PCSK9: variants seen among roughly 807,000 people sequenced by gnomAD.
PCSK9 encodes proprotein convertase subtilisin/kexin type 9, also known as convertase subtilisin/kexin type 9 preproprotein.
Under a neutral mutation model 62.1 loss-of-function variants are expected in PCSK9, and 57 were observed. The observed-to-expected ratio is 0.92, with a 90% CI of 0.74 to 1.14. The LOEUF (loss-of-function observed/expected upper bound fraction) is 1.14. Among genes scored for constraint, PCSK9 ranks in the 50% most tolerant of loss-of-function variants. PCSK9 has a pLI of 0.00. For synonymous variants in PCSK9, 387 were observed against 409.4 expected, an observed-to-expected ratio of 0.95 and a Z score of 0.66; for missense variants, 870 against 959.8, an observed-to-expected ratio of 0.91 and a Z score of 1.24.
In PCSK9 at chr1:55,064,476, G is replaced by A. The variant is rs981756165; in HGVS notation, c.*892G>A. Reference sequence around the variant, plus strand: ...AAGCCTCTTCTTACTTCACCCGGCTGGGCTCCTCATTTTTACGGGTAACAG... The same window carrying A: ...AAGCCTCTTCTTACTTCACCCGGCTAGGCTCCTCATTTTTACGGGTAACAG... On this transcript the variant is annotated 3_prime_UTR_variant, in exon 12 of 12. Transcript: ENST00000302118. 3.3e-5 allele frequency: 5 copies of A among 152,242 alleles called. No homozygotes were observed. Among genetic ancestry groups the A allele is most frequent in the African/African-American group, 1.2e-4 (5 of 41,456 alleles). 9.4% of individuals were successfully genotyped at this position (152,242 alleles called of 1,614,324 possible).
At chr1:55,041,557 A>G (rs1329516405) in intron 1 of PCSK9, among the ~76,000 whole-genome samples, 1 of 152,204 alleles carries the variant, frequency 6.6e-6, no homozygotes, top group African/African-American at 2.4e-5. Context: ...TTGGAACAGG[A>G]GCCTCCTCAA....
chr1:55,044,727 C>T (rs1435551994), intron 2 of PCSK9, among the ~76,000 whole-genome samples: 2 of 152,214 alleles, frequency 1.3e-5, no homozygotes, highest in Non-Finnish European at 2.9e-5. Flanking sequence ...TAGCCTCCTG[C>T]AGACAGTGAG....
chr1:55,060,884 C>T (rs1022358897), intron 10 of PCSK9, among the ~76,000 whole-genome samples: 1 of 152,188 alleles, frequency 6.6e-6, no homozygotes, highest in African/African-American at 2.4e-5. Context: ...GTTTCTCTTT[C>T]CATCTTACAA....
In PCSK9 at chr1:55,058,666, CGT is replaced by C. The variant is rs35115360; in HGVS notation, c.1503+70_1503+71del. 24,307 of 1,502,512 alleles carry C rather than the reference CGT, an allele frequency of 0.016. 122 individuals carry two copies. The highest frequency in any genetic ancestry group is 0.021 in the African/African-American group (1,463 of 68,674). The allele number at this position is 1,502,512 out of a possible 1,614,324, so 93.1% of individuals were successfully genotyped here. A position where few individuals can be genotyped will look rare whatever the true frequency, so the allele number is the denominator to read the frequency against. On this transcript the variant is annotated intron_variant, in intron 9 of 11. Coordinates refer to ENST00000302118, the MANE Select transcript of PCSK9 (RefSeq NM_174936.4). The stretch of plus-strand genomic sequence containing the variant: ...CATGGAGGTGACTGTACCCCTCCTT[CGT>C]GTGTGTGTGTGTGTGTGTGTGTGTG...
intron 11 of PCSK9, 106 bp from the exon 12 acceptor site, chr1:55,063,262 CG>C: frequency 1.6e-6 from 2 of 1,216,058 alleles, no homozygotes; most frequent in East Asian, 5.1e-5. Context: ...CAGCGAGGGC[CG>C]TCTGCACTTT....
Position 55,058,181 on chromosome 1 carries a change from C to G in PCSK9, c.1326C>G (p.Ala442=). 6.2e-7 allele frequency: 1 copy of G among 1,613,342 alleles called. No homozygotes were observed. Residue 442 remains alanine, a synonymous_variant, in exon 8 of 12, where the codon GCC becomes GCG. Coordinates refer to ENST00000302118, the MANE Select transcript of PCSK9 (RefSeq NM_174936.4). ...DQRVLTPNLV[A]ALPPSTHGAG... ...GGGTACTGACCCCCAACCTGGTGGC[C>G]GCCCTGCCCCCCAGCACCCATGGGG...
chr1:55,061,728 G>A (rs748719617), intron 11 of PCSK9, among the ~76,000 whole-genome samples, 172 bp downstream of exon 11: 6 of 152,270 alleles, frequency 3.9e-5, no homozygotes, highest in Admixed American at 3.3e-4. Flanking sequence ...ATGTGTCTCT[G>A]TGTGGCTGGG....
rs1474074355 is a variant in PCSK9, at chr1:55,043,896, C to A, written c.261C>A (p.His87Gln). The stretch of plus-strand genomic sequence containing the variant: ...TGGTGGTGCTGAAGGAGGAGACCCA[C>A]CTCTCGCAGTCAGAGCGCACTGCCC... ...TYVVVLKEET[H>Q]LSQSERTARR... The change falls in exon 2 of 12, where the codon CAC (histidine) becomes CAA (glutamine). Residue 87 changes from histidine (H) to glutamine (Q), a missense_variant. Coordinates refer to ENST00000302118, the MANE Select transcript of PCSK9 (RefSeq NM_174936.4). 6 of 1,614,194 alleles carry A rather than the reference C, an allele frequency of 3.7e-6. No homozygotes were observed. Among genetic ancestry groups the A allele is most frequent in the Non-Finnish European group, 4.2e-6 (5 of 1,180,044 alleles).
At chr1:55,057,179 T>G (rs1644721704) in intron 6 of PCSK9, 152 bp from the exon 7 acceptor site, 1 of 983,906 alleles carries the variant, frequency 1.0e-6, no homozygotes. Context: ...GAGTTCTGCC[T>G]GGGCAGTCAG....
At position 55,039,558 on chromosome 1, in the gene PCSK9, AGGCGCTCATGGTTGCAGGCG is replaced by A. The variant is rs1263607332; in HGVS notation, c.-274_-255del. 2.2e-5 allele frequency: 12 copies of A among 557,060 alleles called. No homozygotes were observed. The highest frequency in any genetic ancestry group is 3.8e-5 in the Non-Finnish European group (12 of 311,720). The allele number at this position is 557,060 out of a possible 1,614,324, so 34.5% of individuals were successfully genotyped here. On this transcript the variant is annotated 5_prime_UTR_variant, in exon 1 of 12. It removes an upstream start codon present in the reference 5' UTR. Coordinates refer to ENST00000302118, the MANE Select transcript of PCSK9 (RefSeq NM_174936.4). ...CTAGAAGGTTTCCGCAGCGACGTCG[AGGCGCTCATGGTTGCAGGCG>A]GGCGCCGCCGTTCAGTTCAGGGTCT...
At position 55,052,640 on chromosome 1, in the gene PCSK9, C is replaced by T. The variant is rs375695759; in HGVS notation, c.658-10C>T. The T allele has an allele frequency of 1.7e-5, 28 of 1,612,604 alleles. No homozygotes were observed. Among genetic ancestry groups the T allele is most frequent in the Admixed American group, 3.3e-5 (2 of 59,992 alleles). On this transcript the variant is annotated splice_polypyrimidine_tract_variant and intron_variant, in intron 4 of 11. Transcript: ENST00000302118. ...GTCTTTCTCATGTGGTCCTTGTGTT[C>T]GTCGAGCAGGCCAGCAAGTGTGACA...
chr1:55,052,236 T>C (rs774377088), intron 3 of PCSK9, 42 bp from the exon 4 acceptor site: 34 of 1,613,396 alleles, frequency 2.1e-5, no homozygotes, highest in South Asian at 3.3e-5. Flanking sequence ...AGGTTGACTT[T>C]ATGCTCATTC....
intron 11 of PCSK9, among the ~76,000 whole-genome samples, chr1:55,062,739 C>T (rs1644771918): frequency 6.6e-6 from 1 of 152,130 alleles, no homozygotes; most frequent in Non-Finnish European, 1.5e-5. Flanking sequence ...GGGGACAGGG[C>T]CAAGTCAGGT....
chr1:55,045,596 G>A (rs1428688789), intron 2 of PCSK9, among the ~76,000 whole-genome samples: 2 of 152,148 alleles, frequency 1.3e-5, no homozygotes, highest in Non-Finnish European at 2.9e-5. Context: ...AGTTGGAGCC[G>A]GTGGCATGGA....
intron 5 of PCSK9, among the ~76,000 whole-genome samples, chr1:55,055,185 G>A (rs982393879): frequency 3.3e-5 from 5 of 152,114 alleles, no homozygotes; most frequent in African/African-American, 9.7e-5. Context: ...GACAATCCTG[G>A]GAGCAACTGT....
At chr1:55,055,846 C>A in intron 5 of PCSK9, 147 bp from the exon 6 acceptor site, 1 of 736,236 alleles carries the variant, frequency 1.4e-6, no homozygotes, top group Non-Finnish European at 2.1e-6. Flanking sequence ...AAAATATTTT[C>A]GCAGCAGCAT....
Position 55,047,796 on chromosome 1 carries a change from C to T in PCSK9, c.523+1150C>T, listed in dbSNP as rs183118876. 2.6e-4 allele frequency among the ~76,000 whole-genome samples: 40 copies of T among 152,302 alleles called. No homozygotes were observed. The East Asian group carries it at 7.0e-3, about 27-fold the overall frequency. On this transcript the variant is annotated intron_variant, in intron 3 of 11. Coordinates refer to ENST00000302118, the MANE Select transcript of PCSK9 (RefSeq NM_174936.4). ...GCCTGGTCGGTCATGTGTGCTGACC[C>T]GGCCTGGGCAGCCTGTGGCCAGGGA...
In PCSK9 at chr1:55,040,086, G is replaced by T; in HGVS notation, c.207+42G>T. 6.5e-7 allele frequency: 1 copy of T among 1,542,392 alleles called. No homozygotes were observed. ...GGGAGGCCGGGGCGAACCCGCAGCC[G>T]GGACGGTGCGGTGCTGTTTCCTCTC... On this transcript the variant is annotated intron_variant, in intron 1 of 11. Coordinates refer to ENST00000302118, the MANE Select transcript of PCSK9 (RefSeq NM_174936.4). This position sits in a 1 kb window ranked among gnomAD's most constrained non-coding sequence, Gnocchi z 4.1.
At chr1:55,058,357 G>A (rs1644732117) in intron 8 of PCSK9, 142 bp from the exon 9 acceptor site, 2 of 1,511,606 alleles carry the variant, frequency 1.3e-6, no homozygotes, top group African/African-American at 1.4e-5. Context: ...TGAAAGGGCT[G>A]TGCAATATTT....
Sources: gnomAD v4.1 joint callset for allele counts (sites outside exome capture counted in the v4.1 genomes callset) on GRCh38, gnomAD v4.1.1 for gene constraint, Gnocchi (gnomAD v3.1) non-coding constraint, MANE v1.5 for transcripts, NCBI Gene and HGNC (gene_info 2026-07-23, HGNC 2026-07-21) for gene names.